The following FLNB variants were observed in gnomAD, a reference collection of about 807,000 sequenced individuals.
FLNB encodes the protein filamin B, also known as filamin-B.
In FLNB, 111 loss-of-function variants were observed where a neutral mutation model predicts 250.6. The ratio of observed to expected loss-of-function variants is 0.44; its 90% CI spans 0.38 to 0.52. The LOEUF is 0.52. FLNB is among the 20% of genes least tolerant of loss of function. The pLI is 0.00. For synonymous variants in FLNB, 1,302 were observed against 1,372.1 expected (o/e 0.95, Z 1.13); for missense variants, 2,869 against 3,447.8 (o/e 0.83, Z 4.20).
chr3:58,095,219 G>GTGTATGTATTTA (rs1252282632), intron 5 of FLNB, among the ~76,000 whole-genome samples: 1 of 95,434 alleles, frequency 1.0e-5, no homozygotes, highest in Admixed American at 1.2e-4. Flanking sequence ...GTCAGTTGAG[G>GTGTATGTATTTA]TTTATGTATG....
intron 25 of FLNB, chr3:58,131,814 T>A: frequency 6.9e-6 from 5 of 721,670 alleles, no homozygotes; most frequent in Non-Finnish European, 1.2e-5. Flanking sequence ...TGTGCATGTA[T>A]GTGTCCCTGT....
In FLNB at chr3:58,109,229, CA is replaced by C; in HGVS notation, c.2107del (p.Thr703HisfsTer9). The part of the protein sequence containing the change: ...DIQMKNRMDG[T>X]YACSYTPVKA... Reference sequence around the variant, plus strand: ...TCCAGATGAAGAACCGGATGGACGGCACATATGCATGCTCATACACCCCGGT... The same window carrying C: ...TCCAGATGAAGAACCGGATGGACGGCCATATGCATGCTCATACACCCCGGT... On this transcript the variant is annotated frameshift_variant, in exon 14 of 46. Transcript: ENST00000295956. LOFTEE classifies it high-confidence loss of function. 6.2e-7 allele frequency: 1 copy of C among 1,614,218 alleles called. No individual in the cohort carries two copies. Among genetic ancestry groups the C allele is most frequent in the Non-Finnish European group, 8.5e-7 (1 of 1,180,050 alleles).
intron 1 of FLNB, among the ~76,000 whole-genome samples, chr3:58,075,989 C>T (rs1430828963): frequency 1.3e-5 from 2 of 152,010 alleles, no homozygotes; most frequent in Non-Finnish European, 2.9e-5. Flanking sequence ...AGGTGCTGGC[C>T]AGGGGCATGG....
At chr3:58,159,453 T>A in intron 41 of FLNB, 101 bp from the exon 42 acceptor site, 1 of 1,200,368 alleles carries the variant, frequency 8.3e-7, no homozygotes, top group Non-Finnish European at 1.2e-6. Flanking sequence ...GAAAAACCTA[T>A]TTGCATGAGA....
chr3:58,132,374 A>G, intron 25 of FLNB: 3 of 408,862 alleles, frequency 7.3e-6, no homozygotes, highest in South Asian at 7.0e-5. Context: ...AGTCTTGACT[A>G]GCCAGCCCAT....
chr3:58,142,426 C>G lies in FLNB; in HGVS notation c.5182-224C>G, dbSNP rs950617911. On this transcript the variant is annotated intron_variant, in intron 30 of 45. Coordinates refer to ENST00000295956, the MANE Select transcript of FLNB (RefSeq NM_001457.4). The surrounding 1 kb of genome is among the most constrained non-coding windows in gnomAD (Gnocchi z 4.3). ...TGCTGCTGGGAATTTTACAAACAGA[C>G]TCCCGAGTGATTGCTAACAGTTGGT... Among the ~76,000 whole-genome samples, 2 of 152,250 alleles carry G rather than the reference C, an allele frequency of 1.3e-5. No homozygotes were observed. Among genetic ancestry groups the G allele is most frequent in the African/African-American group, 4.8e-5 (2 of 41,462 alleles).
Position 58,102,212 on chromosome 3 carries a change from C to T in FLNB, c.1355C>T (p.Pro452Leu), listed in dbSNP as rs752254396. 1.2e-5 allele frequency: 19 copies of T among 1,614,046 alleles called. No individual in the cohort carries two copies. Among genetic ancestry groups the T allele is most frequent in the Non-Finnish European group, 1.6e-5 (19 of 1,180,018 alleles). Residue 452 changes from proline to leucine, a missense_variant, in exon 9 of 46, where the codon CCA (proline) becomes CTA (leucine). Pro to Leu is a moderately conservative substitution (Grantham distance 98). Coordinates refer to ENST00000295956, the MANE Select transcript of FLNB (RefSeq NM_001457.4). ...FVVQVGEACN[P>L]NACRASGRGL... ...AAAACTGTGCTTGCAGCCTGCAATC[C>T]AAATGCCTGCCGGGCCAGTGGCCGA...
At chr3:58,039,122 G>A (rs1398459634) in intron 1 of FLNB, among the ~76,000 whole-genome samples, 1 of 150,178 alleles carries the variant, frequency 6.7e-6, no homozygotes, top group Non-Finnish European at 1.5e-5. Context: ...TGACCACGTG[G>A]GCTCAAGGAA....
In FLNB at chr3:58,136,098, C is replaced by T. The variant is rs772381490; in HGVS notation, c.4791C>T (p.Asp1597=). The T allele has an allele frequency of 2.2e-5, 35 of 1,614,082 alleles. No individual in the cohort carries two copies. The highest frequency in any genetic ancestry group is 2.7e-5 in the African/African-American group (2 of 74,936). Residue 1597 remains aspartate (D), a synonymous_variant, in exon 28 of 46, where the codon GAC becomes GAT. Coordinates refer to ENST00000295956, the MANE Select transcript of FLNB (RefSeq NM_001457.4). The stretch of plus-strand genomic sequence containing the variant: ...TGATTGGAGTCACCTACGGGGGTGA[C>T]GACATCCCACTTTCTCCTTATCGCA... ...RYMIGVTYGG[D]DIPLSPYRIR...
intron 4 of FLNB, 119 bp downstream of exon 4, chr3:58,081,895 G>T: frequency 9.2e-7 from 1 of 1,082,542 alleles, no homozygotes; most frequent in South Asian, 1.3e-5. Context: ...TCCTCAAAGA[G>T]ACCCCAAGCC....
chr3:58,070,944 T>G (rs1479004293), intron 1 of FLNB, among the ~76,000 whole-genome samples: 1 of 149,012 alleles, frequency 6.7e-6, no homozygotes, highest in Non-Finnish European at 1.5e-5. Flanking sequence ...TTGCTCTCTC[T>G]CTCTCTTGTT....
At chr3:58,027,322 C>CT (rs5849231) in intron 1 of FLNB, among the ~76,000 whole-genome samples, 7 of 147,142 alleles carry the variant, frequency 4.8e-5, no homozygotes, top group Admixed American at 1.4e-4. Flanking sequence ...CCAGCTAATT[C>CT]TTTTTTTTTT....
intron 4 of FLNB, among the ~76,000 whole-genome samples, chr3:58,091,614 A>C (rs1201710052): frequency 1.6e-5 from 2 of 122,124 alleles, no homozygotes; most frequent in Admixed American, 1.8e-4. Flanking sequence ...ATTTGACACC[A>C]AAAACATGAT....
intron 1 of FLNB, among the ~76,000 whole-genome samples, chr3:58,061,287 T>C (rs1403994050): frequency 6.6e-6 from 1 of 152,174 alleles, no homozygotes; most frequent in Non-Finnish European, 1.5e-5. Context: ...GTCATACACA[T>C]TGCTTTTATC....
In FLNB at chr3:58,081,725, G is replaced by A; in HGVS notation, c.736G>A (p.Ala246Thr). The change falls in exon 4 of 46, where the codon GCT becomes ACT. Residue 246 changes from alanine to threonine, a missense_variant. Coordinates refer to ENST00000295956, the MANE Select transcript of FLNB (RefSeq NM_001457.4). The part of the protein sequence containing the change: ...QFPKAKLKPG[A>T]PLKPKLNPKK... ...CCCCAAAGCCAAGCTCAAGCCGGGG[G>A]CTCCTCTCAAACCCAAACTCAACCC... 1.2e-6 allele frequency: 2 copies of A among 1,614,070 alleles called. No homozygotes were observed. The highest frequency in any genetic ancestry group is 1.7e-6 in the Non-Finnish European group (2 of 1,180,002).
chr3:58,082,990 C>T (rs556935147), intron 4 of FLNB, among the ~76,000 whole-genome samples: 33 of 152,296 alleles, frequency 2.2e-4, no homozygotes, highest in African/African-American at 7.5e-4. Context: ...GTCCTCAGTA[C>T]ATCACTAAGC....
chr3:58,009,195 C>A (rs927097458), intron 1 of FLNB, among the ~76,000 whole-genome samples: 2 of 152,184 alleles, frequency 1.3e-5, no homozygotes, highest in Non-Finnish European at 2.9e-5. Flanking sequence ...TAGAAACCCT[C>A]GTTCGCTGTC....
intron 1 of FLNB, among the ~76,000 whole-genome samples, chr3:58,013,692 T>C (rs2097102089): frequency 6.6e-6 from 1 of 152,018 alleles, no homozygotes; most frequent in African/African-American, 2.4e-5. Flanking sequence ...GCCGTGGTGG[T>C]GCATGCCTGT....
intron 1 of FLNB, among the ~76,000 whole-genome samples, chr3:58,029,790 G>C (rs2097128335): frequency 6.6e-6 from 1 of 152,218 alleles, no homozygotes; most frequent in Non-Finnish European, 1.5e-5. Context: ...TGGGATTATA[G>C]GGGGGAGCCA....
Sources: allele counts gnomAD v4.1 joint callset (sites outside exome capture counted in the v4.1 genomes callset), GRCh38; gene constraint gnomAD v4.1.1; non-coding constraint Gnocchi (gnomAD v3.1); transcripts MANE v1.5; gene names NCBI Gene and HGNC (gene_info 2026-07-23, HGNC 2026-07-21).